Variants in MYCBP2 observed in about 807,000 individuals in gnomAD.
The protein encoded by MYCBP2 is E3 ubiquitin-protein ligase MYCBP2.
A neutral mutation model predicts 525.3 loss-of-function variants in MYCBP2; 120 were observed. The ratio of observed to expected loss-of-function variants is 0.23; its 90% confidence interval spans 0.20 to 0.27. The LOEUF is 0.27. Among genes scored for constraint, MYCBP2 ranks in the 10% least tolerant of loss-of-function variants. The probability of loss-of-function intolerance (pLI) is 1.00; values close to 1 mark genes in which losing one functional copy is unlikely to be tolerated. For synonymous variants in MYCBP2, 1,894 were observed against 1,955.8 expected (o/e 0.97, Z 0.83); for missense variants, 4,149 against 5,657.1 (o/e 0.73, Z 8.55).
intron 49 of MYCBP2, among the ~76,000 whole-genome samples, chr13:77,141,726 G>A (rs4465498): frequency 0.58 from 85,585 of 148,770 alleles, 27,897 homozygotes; most frequent in Non-Finnish European, 0.73. Flanking sequence ...GGCAGGGATC[G>A]CGCCACTGCA....
Position 77,243,161 on chromosome 13 carries a change from C to G in MYCBP2, c.2528-1G>C. The G allele has an allele frequency of 1.2e-6, 2 of 1,612,906 alleles. No individual in the cohort carries two copies. The highest frequency in any genetic ancestry group is 2.2e-5 in the South Asian group (2 of 91,062). On this transcript the variant is annotated splice_acceptor_variant, in intron 16 of 82. Coordinates refer to ENST00000544440, the MANE Select transcript of MYCBP2 (RefSeq NM_015057.5). LOFTEE classifies it high-confidence loss of function. ...ATGTTAACCCCGGGCACTGGGACAGCTAGATGATTGGCCAAAAACAACAAC... is the reference window on the plus strand; with the variant it reads ...ATGTTAACCCCGGGCACTGGGACAGGTAGATGATTGGCCAAAAACAACAAC...
intron 62 of MYCBP2, among the ~76,000 whole-genome samples, chr13:77,086,345 C>G (rs2044273009): frequency 6.6e-6 from 1 of 151,950 alleles, no homozygotes; most frequent in Non-Finnish European, 1.5e-5. Flanking sequence ...CTTTTGAAAG[C>G]TAATATTTTT....
chr13:77,099,123 G>T (rs932421954), intron 55 of MYCBP2, 110 bp from the exon 56 acceptor site: 13 of 1,333,024 alleles, frequency 9.8e-6, no homozygotes, highest in Non-Finnish European at 1.2e-5. Context: ...TATATTGTTT[G>T]TCATACATAC....
Position 77,125,363 on chromosome 13 carries a change from C to T in MYCBP2, c.7990G>A (p.Gly2664Arg), listed in dbSNP as rs917350267. 2.5e-6 allele frequency: 4 copies of T among 1,613,690 alleles called. No homozygotes were observed. The highest frequency in any genetic ancestry group is 2.2e-5 in the East Asian group (1 of 44,870). The change falls in exon 54 of 83, where the codon GGA becomes AGA. Residue 2664 changes from glycine to arginine, a missense_variant. Around this residue, in one of 21 missense-constraint regions of MYCBP2, gnomAD observed 653 missense variants for 744.7 expected, o/e 0.88. Transcript: ENST00000544440. ...TCTTCATGTCGGAGGTACTGGTTTC[C>T]GCCTCTGTCTCTAGCTAAGGACCAT... ...EAWSLARDRGGNQYLRHEDEQ... is the reference protein window; with the variant it reads ...EAWSLARDRGRNQYLRHEDEQ...
intron 1 of MYCBP2, among the ~76,000 whole-genome samples, chr13:77,314,699 C>T (rs1012545112): frequency 6.6e-6 from 1 of 152,092 alleles, no homozygotes; most frequent in African/African-American, 2.4e-5. Flanking sequence ...TGTCATTATA[C>T]ATTTTTCTGA....
chr13:77,054,224 A>G (rs2154059958), intron 80 of MYCBP2, among the ~76,000 whole-genome samples: 1 of 152,286 alleles, frequency 6.6e-6, no homozygotes, highest in East Asian at 1.9e-4. Flanking sequence ...TGGCCTGTGC[A>G]ATGGCATGGG....
At chr13:77,109,141 G>A (rs1001837680) in intron 55 of MYCBP2, among the ~76,000 whole-genome samples, 3 of 152,206 alleles carry the variant, frequency 2.0e-5, no homozygotes, top group African/African-American at 7.2e-5. Flanking sequence ...GCAGGTAGAG[G>A]ACGGTTTCCT....
At chr13:77,300,373 G>A (rs530367066) in intron 1 of MYCBP2, among the ~76,000 whole-genome samples, 5 of 152,298 alleles carry the variant, frequency 3.3e-5, no homozygotes, top group East Asian at 1.9e-4. Flanking sequence ...AGCAGCCATC[G>A]GCAGCACATA....
intron 68 of MYCBP2, among the ~76,000 whole-genome samples, chr13:77,074,104 A>C (rs2041886303): frequency 6.6e-6 from 1 of 151,820 alleles, no homozygotes; most frequent in Non-Finnish European, 1.5e-5. Context: ...GATAAAGAAC[A>C]AAGTTAGAAC....
intron 42 of MYCBP2, 90 bp from the exon 43 acceptor site, chr13:77,164,631 T>C: frequency 1.2e-6 from 1 of 815,884 alleles, no homozygotes; most frequent in Non-Finnish European, 2.1e-6. Flanking sequence ...CAAGCATTAC[T>C]TTTGAAATGA....
At chr13:77,050,010 CTTT>C (rs1034003775) in intron 82 of MYCBP2, among the ~76,000 whole-genome samples, 4 of 149,636 alleles carry the variant, frequency 2.7e-5, no homozygotes, top group African/African-American at 9.8e-5. Flanking sequence ...CATCCTCACT[CTTT>C]TTTTTTTTTA....
intron 52 of MYCBP2, among the ~76,000 whole-genome samples, chr13:77,132,713 T>A (rs183101643): frequency 1.3e-5 from 2 of 152,236 alleles, no homozygotes; most frequent in African/African-American, 4.8e-5. Context: ...ACCCAAAGAA[T>A]TGGGTGTGTA....
intron 26 of MYCBP2, among the ~76,000 whole-genome samples, chr13:77,195,913 A>G (rs2061710784): frequency 6.6e-6 from 1 of 152,198 alleles, no homozygotes; most frequent in South Asian, 2.1e-4. Flanking sequence ...TTTGTCCCCA[A>G]TCTGACTCCT....
At chr13:77,208,794 T>TA (rs2063649626) in intron 23 of MYCBP2, among the ~76,000 whole-genome samples, 1 of 152,310 alleles carries the variant, frequency 6.6e-6, no homozygotes, top group African/African-American at 2.4e-5. Context: ...CTTTGTTTTT[T>TA]AAAAAATAAC....
chr13:77,291,462 C>G (rs2077461625), intron 2 of MYCBP2, among the ~76,000 whole-genome samples: 1 of 152,174 alleles, frequency 6.6e-6, no homozygotes, highest in East Asian at 1.9e-4. Flanking sequence ...AAAGAGTTTT[C>G]TAGTTTCTTA....
chr13:77,079,297 T>G (rs545185390), intron 65 of MYCBP2, among the ~76,000 whole-genome samples: 2 of 152,302 alleles, frequency 1.3e-5, no homozygotes, highest in South Asian at 2.1e-4. Context: ...AGTGTCACAA[T>G]GTACCCAGAC....
chr13:77,070,922 A>C (rs184494903), intron 68 of MYCBP2, among the ~76,000 whole-genome samples: 1 of 152,204 alleles, frequency 6.6e-6, no homozygotes, highest in South Asian at 2.1e-4. Flanking sequence ...AATTCAGAGA[A>C]GTATATTCTC....
intron 55 of MYCBP2, among the ~76,000 whole-genome samples, chr13:77,116,431 A>T (rs535618066): frequency 6.6e-6 from 1 of 152,140 alleles, no homozygotes; most frequent in Non-Finnish European, 1.5e-5. Context: ...ACCTTTCCCA[A>T]CACGGTATAA....
chr13:77,074,002 G>GCCCC (rs34371055), intron 68 of MYCBP2, among the ~76,000 whole-genome samples: 1 of 106,644 alleles, frequency 9.4e-6, no homozygotes, highest in African/African-American at 3.6e-5. Flanking sequence ...CATCCCCACC[G>GCCCC]CCCCCCCCCC....
Sources: gnomAD v4.1 joint callset for allele counts (sites outside exome capture counted in the v4.1 genomes callset) on GRCh38, gnomAD v4.1.1 for gene constraint, gnomAD v4.1.1 regional missense constraint, MANE v1.5 for transcripts, NCBI Gene and HGNC (gene_info 2026-07-23, HGNC 2026-07-21) for gene names.